Variants in CSMD1 observed in about 807,000 individuals in gnomAD.
CSMD1 encodes the protein CUB and sushi domain-containing protein 1.
A neutral mutation model predicts 417.5 loss-of-function variants in CSMD1; 213 were observed. The ratio of observed to expected loss-of-function variants is 0.51; its 90% CI spans 0.46 to 0.57. The LOEUF is 0.57. Among genes scored for constraint, CSMD1 ranks in the 20% least tolerant of loss-of-function variants. The probability of loss-of-function intolerance (pLI) is 0.00; values close to 1 mark genes in which losing one functional copy is unlikely to be tolerated. For missense variants in CSMD1, 6,923 were observed against 4,529.7 expected, an observed-to-expected ratio of 1.53 and a Z score of -15.17; for synonymous variants, 2,862 against 1,736.8, an observed-to-expected ratio of 1.65 and a Z score of -16.11.
At chr8:3,480,048 G>C (rs373445855) in intron 11 of CSMD1, among the ~76,000 whole-genome samples, 2 of 152,226 alleles carry the variant, frequency 1.3e-5, no homozygotes, top group East Asian at 3.9e-4. Context: ...CTAAACAACA[G>C]AGACAAAACA....
In CSMD1 at chr8:4,645,371, T is replaced by C. The variant is rs75175483; in HGVS notation, c.86-7813A>G. Among the ~76,000 whole-genome samples the C allele has an allele frequency of 6.4e-3, 829 of 130,436 alleles. 25 individuals carry two copies. In the East Asian group the frequency reaches 0.1, roughly 16 times the overall value. The allele number at this position is 130,436 out of a possible 152,430, so 85.6% of individuals were successfully genotyped here. Reference sequence around the variant, plus strand: ...ACCTACTGAGAAATTGTTGCATTAATGGTAATAAAGTCATTCAGTGTGTAC... The same window carrying C: ...ACCTACTGAGAAATTGTTGCATTAACGGTAATAAAGTCATTCAGTGTGTAC... On this transcript the variant is annotated intron_variant, in intron 1 of 69. Transcript: ENST00000635120.
intron 3 of CSMD1, among the ~76,000 whole-genome samples, chr8:4,403,168 A>T (rs1401878336): frequency 6.6e-6 from 1 of 152,112 alleles, no homozygotes; most frequent in Non-Finnish European, 1.5e-5. Context: ...ACTTTTACAT[A>T]AGACATTAGT....
chr8:3,733,791 A>G (rs1796389769), intron 6 of CSMD1, among the ~76,000 whole-genome samples: 1 of 152,178 alleles, frequency 6.6e-6, no homozygotes, highest in South Asian at 2.1e-4. Flanking sequence ...GCGGGTGGAT[A>G]CTTGCATACT....
chr8:3,557,477 G>C (rs1381515627), intron 10 of CSMD1, among the ~76,000 whole-genome samples: 1 of 152,100 alleles, frequency 6.6e-6, no homozygotes, highest in Non-Finnish European at 1.5e-5. Context: ...TCCTTGAAAA[G>C]ATAATTTAAA....
intron 3 of CSMD1, among the ~76,000 whole-genome samples, chr8:4,341,380 T>C (rs1800469517): frequency 6.6e-6 from 1 of 152,120 alleles, no homozygotes; most frequent in South Asian, 2.1e-4. Flanking sequence ...CAGGAAATAA[T>C]TTAGTACTGA....
intron 26 of CSMD1, among the ~76,000 whole-genome samples, chr8:3,264,868 G>C (rs1468080829): frequency 1.3e-5 from 2 of 151,878 alleles, no homozygotes; most frequent in Admixed American, 6.6e-5. Context: ...GTGTGGGTGT[G>C]TGTGGCCTGT....
chr8:4,330,837 A>G (rs997653533), intron 3 of CSMD1, among the ~76,000 whole-genome samples: 3 of 152,064 alleles, frequency 2.0e-5, no homozygotes, highest in Non-Finnish European at 4.4e-5. Flanking sequence ...TGCAGCTCAT[A>G]TCCCACCTTC....
At chr8:4,534,955 G>A (rs766967495) in intron 2 of CSMD1, among the ~76,000 whole-genome samples, 1 of 152,180 alleles carries the variant, frequency 6.6e-6, no homozygotes, top group African/African-American at 2.4e-5. Context: ...TAGAGACGGG[G>A]TTTCCCCATG....
intron 5 of CSMD1, among the ~76,000 whole-genome samples, chr8:3,791,126 G>A (rs1413908682): frequency 3.9e-5 from 6 of 152,120 alleles, no homozygotes; most frequent in Admixed American, 1.3e-4. Flanking sequence ...TTTTAAAGCT[G>A]GAGTGCATGA....
At chr8:3,750,526 G>A (rs1179773881) in intron 6 of CSMD1, among the ~76,000 whole-genome samples, 2 of 151,344 alleles carry the variant, frequency 1.3e-5, no homozygotes, top group Non-Finnish European at 2.9e-5. Flanking sequence ...CGCAATTTTT[G>A]TTGGCACAAA....
chr8:3,975,558 G>GGGCA (rs1443503678), intron 5 of CSMD1, among the ~76,000 whole-genome samples: 1 of 152,114 alleles, frequency 6.6e-6, no homozygotes, highest in Non-Finnish European at 1.5e-5. Flanking sequence ...TCGGGATGAC[G>GGGCA]GGCAGCGCTT....
chr8:4,600,021 T>A (rs1395039078), intron 2 of CSMD1, among the ~76,000 whole-genome samples: 1 of 152,196 alleles, frequency 6.6e-6, no homozygotes, highest in Non-Finnish European at 1.5e-5. Context: ...TAGGGTTGGT[T>A]ACCGCAGAAC....
chr8:4,824,649 G>T (rs982626772), intron 1 of CSMD1, among the ~76,000 whole-genome samples: 1 of 152,138 alleles, frequency 6.6e-6, no homozygotes, highest in African/African-American at 2.4e-5. Context: ...CCAACAGAAG[G>T]AATCTCATAA....
At chr8:3,506,462 G>A (rs992939325) in intron 10 of CSMD1, among the ~76,000 whole-genome samples, 4 of 152,148 alleles carry the variant, frequency 2.6e-5, no homozygotes, top group African/African-American at 9.7e-5. Flanking sequence ...CACTGGTCAT[G>A]GCCAGAAAGG....
intron 3 of CSMD1, among the ~76,000 whole-genome samples, chr8:4,070,421 G>C (rs943602395): frequency 6.6e-6 from 1 of 151,850 alleles, no homozygotes; most frequent in East Asian, 1.9e-4. Context: ...GCAGTGGTGG[G>C]ATCTCGGCTC....
chr8:4,543,560 A>G (rs1392441184), intron 2 of CSMD1, among the ~76,000 whole-genome samples: 2 of 150,708 alleles, frequency 1.3e-5, no homozygotes, highest in Non-Finnish European at 3.0e-5. Context: ...GGATGCTTCC[A>G]GTTTTGACTA....
intron 3 of CSMD1, among the ~76,000 whole-genome samples, chr8:4,186,202 G>C (rs928451170): frequency 2.0e-5 from 3 of 152,112 alleles, no homozygotes; most frequent in South Asian, 4.1e-4. Flanking sequence ...GAACATTGTG[G>C]AACACTGGAA....
intron 5 of CSMD1, among the ~76,000 whole-genome samples, chr8:3,847,073 G>C (rs947774020): frequency 4.6e-5 from 7 of 152,102 alleles, no homozygotes; most frequent in East Asian, 1.9e-4. Flanking sequence ...CTTCCAGGGT[G>C]GGGGAAGGCA....
intron 5 of CSMD1, among the ~76,000 whole-genome samples, chr8:3,912,406 C>CTCCTTAAAATAAAAT (rs1808520902): frequency 6.6e-6 from 1 of 152,088 alleles, no homozygotes; most frequent in African/African-American, 2.4e-5. Context: ...GGTGCAGGGA[C>CTCCTTAAAATAAAAT]AAATAGGGTG....
Sources: gnomAD v4.1 joint callset for allele counts (sites outside exome capture counted in the v4.1 genomes callset) on GRCh38, gnomAD v4.1.1 for gene constraint, MANE v1.5 for transcripts, NCBI Gene and HGNC (gene_info 2026-07-23, HGNC 2026-07-21) for gene names.